CEP70: variants seen among roughly 807,000 people sequenced by gnomAD.
The protein encoded by CEP70 is centrosomal protein of 70 kDa.
CEP70 carries 70 observed loss-of-function variants against 90.9 expected under a neutral mutation model. The observed-to-expected ratio is 0.77, with a 90% CI of 0.64 to 0.94. The LOEUF is 0.94. CEP70 is among the 40% of genes least tolerant of loss of function. The probability of loss-of-function intolerance (pLI) is 0.00; values close to 1 mark genes in which losing one functional copy is unlikely to be tolerated. For missense variants in CEP70, 648 were observed against 669.0 expected (o/e 0.97, Z 0.35); for synonymous variants, 220 against 228.3 (o/e 0.96, Z 0.33).
Position 138,505,305 on chromosome 3 carries a change from G to A in CEP70, c.1211C>T (p.Thr404Ile). The stretch of plus-strand genomic sequence containing the variant: ...TAGTCAACCCCTTACCTTTAAGGAT[G>A]TCAGTTGATCTGCCCACATTTCTAT... ...PVIEMWADQL[T>I]SLKDLYKSLK... Residue 404 changes from threonine to isoleucine, a missense_variant, in exon 13 of 18, where the codon ACA (threonine) becomes ATA (isoleucine). By Grantham distance (89) the Thr-to-Ile change is moderately conservative. Transcript: ENST00000264982. 3 of 1,606,034 alleles carry A rather than the reference G, an allele frequency of 1.9e-6. No homozygotes were observed.
intron 7 of CEP70, among the ~76,000 whole-genome samples, chr3:138,536,641 A>G (rs976996677): frequency 2.0e-5 from 3 of 151,926 alleles, no homozygotes; most frequent in Non-Finnish European, 4.4e-5. Context: ...GATATAGCAA[A>G]TAATTATAAT....
At position 138,537,167 on chromosome 3, in the gene CEP70, A is replaced by T; in HGVS notation, c.635+11T>A. ...AATCTAGCTACATATCAATTTATGT[A>T]GCAAAATTACTGTCTATCCAAGACG... On this transcript the variant is annotated intron_variant, in intron 7 of 17. Coordinates refer to ENST00000264982, the MANE Select transcript of CEP70 (RefSeq NM_024491.4). The T allele has an allele frequency of 6.7e-7, 1 of 1,501,860 alleles. No homozygotes were observed. The highest frequency in any genetic ancestry group is 8.9e-7 in the Non-Finnish European group (1 of 1,128,650). 93.0% of individuals were successfully genotyped at this position (1,501,860 alleles called of 1,614,324 possible). A position where few individuals can be genotyped will look rare whatever the true frequency, so the allele number is the denominator to read the frequency against.
In CEP70 at chr3:138,593,913, T is replaced by G. The variant is rs2042523274; in HGVS notation, c.-109+285A>C. 2.0e-5 allele frequency: 3 copies of G among 152,226 alleles called. No individual in the cohort carries two copies. The South Asian group carries it at 6.2e-4, about 31-fold the overall frequency. 9.4% of individuals were successfully genotyped at this position (152,226 alleles called of 1,614,324 possible). A position where few individuals can be genotyped will look rare whatever the true frequency, so the allele number is the denominator to read the frequency against. ...TCATTTAACCCTCACAACCACCTTG[T>G]AAGGCAAGAATTACCAGCTTTAGTA... On this transcript the variant is annotated intron_variant, in intron 1 of 17. Coordinates refer to ENST00000264982, the MANE Select transcript of CEP70 (RefSeq NM_024491.4).
chr3:138,544,532 TA>T (rs957375684), intron 6 of CEP70, among the ~76,000 whole-genome samples: 135 of 151,018 alleles, frequency 8.9e-4, no homozygotes, highest in African/African-American at 3.3e-3. Flanking sequence ...TGTATGTATG[TA>T]TGTATGTGTG....
At chr3:138,559,736 A>T (rs1181730495) in intron 6 of CEP70, among the ~76,000 whole-genome samples, 1 of 152,216 alleles carries the variant, frequency 6.6e-6, no homozygotes, top group Non-Finnish European at 1.5e-5. Flanking sequence ...AAAACAAAAA[A>T]CAAACAAACA....
intron 1 of CEP70, among the ~76,000 whole-genome samples, chr3:138,592,425 C>G (rs186160625): frequency 6.6e-6 from 1 of 152,288 alleles, no homozygotes; most frequent in East Asian, 1.9e-4. Context: ...TTCCCCACTA[C>G]AGGCTGTGAC....
At chr3:138,591,307 T>C (rs2042371821) in intron 2 of CEP70, among the ~76,000 whole-genome samples, 2 of 152,150 alleles carry the variant, frequency 1.3e-5, no homozygotes, top group Admixed American at 6.5e-5. Context: ...TAAATGAATT[T>C]TGTGTTTAGA....
At chr3:138,534,193 C>T (rs1480583497) in intron 7 of CEP70, among the ~76,000 whole-genome samples, 1 of 152,112 alleles carries the variant, frequency 6.6e-6, no homozygotes, top group East Asian at 1.9e-4. Flanking sequence ...ATACTGTTTC[C>T]CTCCTATCTT....
At chr3:138,582,369 G>A (rs993225572) in intron 2 of CEP70, among the ~76,000 whole-genome samples, 3 of 152,214 alleles carry the variant, frequency 2.0e-5, no homozygotes, top group African/African-American at 7.2e-5. Flanking sequence ...CTACTCGGGA[G>A]GCTGAGGCAG....
intron 11 of CEP70, among the ~76,000 whole-genome samples, chr3:138,514,732 A>C (rs1560303323): frequency 6.6e-6 from 1 of 151,780 alleles, no homozygotes; most frequent in Non-Finnish European, 1.5e-5. Context: ...ACCTTGAAAA[A>C]ATTTTTTTCA....
chr3:138,581,429 C>T (rs139145513), intron 2 of CEP70, among the ~76,000 whole-genome samples: 152 of 151,852 alleles, frequency 1.0e-3, no homozygotes, highest in African/African-American at 3.5e-3. Flanking sequence ...TCAGGCCGGG[C>T]GCAGTGGCTC....
chr3:138,570,639 C>A, intron 5 of CEP70, 141 bp from the exon 6 acceptor site: 1 of 653,634 alleles, frequency 1.5e-6, no homozygotes, highest in Non-Finnish European at 2.5e-6. Flanking sequence ...AGAAGTGATT[C>A]ATATTTCAGA....
intron 8 of CEP70, among the ~76,000 whole-genome samples, chr3:138,532,056 CTTAT>C (rs964600840): frequency 3.9e-5 from 6 of 152,084 alleles, no homozygotes; most frequent in African/African-American, 9.7e-5. Flanking sequence ...TATCTCTATG[CTTAT>C]TTAATCAGGT....
chr3:138,542,027 A>G (rs2038806726), intron 6 of CEP70, among the ~76,000 whole-genome samples: 1 of 152,208 alleles, frequency 6.6e-6, no homozygotes, highest in South Asian at 2.1e-4. Context: ...TGCTGGGCTT[A>G]TTCTGCCCAC....
At position 138,494,457 on chromosome 3, in the gene CEP70, A is replaced by G. The variant is rs1159418346; in HGVS notation, c.*558T>C. The stretch of plus-strand genomic sequence containing the variant: ...ATGAGAGACTTCTATCTACTCATCC[A>G]TTTTACCCTATGATTCATTTCCTAC... On this transcript the variant is annotated 3_prime_UTR_variant, in exon 18 of 18. Transcript: ENST00000264982. 6.6e-6 allele frequency: 1 copy of G among 152,206 alleles called. No homozygotes were observed. Among genetic ancestry groups the G allele is most frequent in the Non-Finnish European group, 1.5e-5 (1 of 68,044 alleles). The allele number at this position is 152,206 out of a possible 1,614,324, so 9.4% of individuals were successfully genotyped here.
At chr3:138,515,467 C>CAAAAA (rs145902706) in intron 11 of CEP70, among the ~76,000 whole-genome samples, 6 of 65,392 alleles carry the variant, frequency 9.2e-5, no homozygotes, top group East Asian at 5.8e-4. Context: ...CATAGAAATG[C>CAAAAA]AAAAAAAAAA....
chr3:138,517,370 T>C (rs2036130060), intron 11 of CEP70, among the ~76,000 whole-genome samples: 1 of 151,904 alleles, frequency 6.6e-6, no homozygotes, highest in Non-Finnish European at 1.5e-5. Context: ...TGACATGTAA[T>C]AAAAATAAAT....
intron 6 of CEP70, among the ~76,000 whole-genome samples, chr3:138,560,102 A>G (rs1414944434): frequency 1.3e-5 from 2 of 152,182 alleles, no homozygotes; most frequent in Admixed American, 6.5e-5. Context: ...TCCAGTCTGC[A>G]GCTCCCCAGC....
chr3:138,548,861 A>G (rs965518011), intron 6 of CEP70, among the ~76,000 whole-genome samples: 2 of 152,186 alleles, frequency 1.3e-5, no homozygotes, highest in Non-Finnish European at 2.9e-5. Flanking sequence ...GACCTAGGAG[A>G]CACCCCAAAT....
Sources: gnomAD v4.1 joint callset for allele counts (sites outside exome capture counted in the v4.1 genomes callset) on GRCh38, gnomAD v4.1.1 for gene constraint, MANE v1.5 for transcripts, NCBI Gene and HGNC (gene_info 2026-07-23, HGNC 2026-07-21) for gene names.